Variants in RBFOX1 observed in about 807,000 individuals in gnomAD.
RBFOX1 encodes the protein RNA binding fox-1 homolog 1.
In RBFOX1, 8 loss-of-function variants were observed where a neutral mutation model predicts 57.7. The ratio of observed to expected loss-of-function variants is 0.14; its 90% CI spans 0.08 to 0.25. RBFOX1 has a LOEUF of 0.25. Ranked by LOEUF, RBFOX1 falls within the 10% of genes least tolerant of loss-of-function variation. The pLI is 1.00. For missense variants in RBFOX1, 611 were observed against 548.5 expected (o/e 1.11, Z -1.14); for synonymous variants, 326 against 222.4 (o/e 1.47, Z -4.15).
chr16:5,371,174 C>T (rs1458402116), intron 1 of RBFOX1, among the ~76,000 whole-genome samples: 1 of 152,180 alleles, frequency 6.6e-6, no homozygotes, highest in Non-Finnish European at 1.5e-5. Context: ...TCTCAAACTC[C>T]TGACCTCAGG....
chr16:7,071,602 TG>T (rs2057354606), intron 4 of RBFOX1, among the ~76,000 whole-genome samples: 1 of 151,502 alleles, frequency 6.6e-6, no homozygotes, highest in Non-Finnish European at 1.5e-5. Context: ...TGTGTGTGTG[TG>T]TGTGTGTGTG....
chr16:6,767,243 T>C (rs999143217), intron 3 of RBFOX1, among the ~76,000 whole-genome samples: 2 of 152,028 alleles, frequency 1.3e-5, no homozygotes, highest in East Asian at 3.9e-4. Flanking sequence ...GACTGGCTCC[T>C]AGATGACCAA....
intron 1 of RBFOX1, among the ~76,000 whole-genome samples, chr16:5,301,457 A>G (rs895596876): frequency 6.6e-6 from 1 of 151,986 alleles, no homozygotes; most frequent in Non-Finnish European, 1.5e-5. Context: ...ATCTCTACTA[A>G]AAACACAAAA....
intron 3 of RBFOX1, among the ~76,000 whole-genome samples, chr16:6,938,875 T>C (rs1409811230): frequency 6.6e-6 from 1 of 152,118 alleles, no homozygotes; most frequent in Non-Finnish European, 1.5e-5. Context: ...GAGGTAGCAG[T>C]GAGCCGAGAT....
intron 2 of RBFOX1, among the ~76,000 whole-genome samples, chr16:6,493,963 C>G (rs1452155009): frequency 2.0e-5 from 3 of 152,130 alleles, no homozygotes; most frequent in African/African-American, 7.2e-5. Context: ...GTGATATTTT[C>G]CTGTATACCA....
chr16:5,615,897 G>A (rs1168782310), intron 3 of RBFOX1, among the ~76,000 whole-genome samples: 1 of 152,206 alleles, frequency 6.6e-6, no homozygotes, highest in Admixed American at 6.5e-5. Context: ...CCGCTGTTCA[G>A]TGCTTAAAAC....
intron 4 of RBFOX1, among the ~76,000 whole-genome samples, chr16:7,450,131 C>T (rs979003109): frequency 9.9e-5 from 15 of 152,074 alleles, no homozygotes; most frequent in African/African-American, 3.1e-4. Flanking sequence ...TGCGGTGGCT[C>T]ATGCCTGTAA....
intron 4 of RBFOX1, among the ~76,000 whole-genome samples, chr16:7,244,835 C>G (rs1340803821): frequency 6.6e-6 from 1 of 152,176 alleles, no homozygotes; most frequent in Non-Finnish European, 1.5e-5. Context: ...CTTGTTCCCA[C>G]TTCTGCTCAT....
At chr16:5,903,854 T>C (rs2058372863) in intron 4 of RBFOX1, among the ~76,000 whole-genome samples, 3 of 152,134 alleles carry the variant, frequency 2.0e-5, no homozygotes, top group African/African-American at 4.8e-5. Context: ...GGAAAGCAGA[T>C]GCGGGGGCCT....
At chr16:5,779,546 T>A (rs2054260294) in intron 3 of RBFOX1, among the ~76,000 whole-genome samples, 1 of 152,204 alleles carries the variant, frequency 6.6e-6, no homozygotes, top group Non-Finnish European at 1.5e-5. Flanking sequence ...CGTCCATGTA[T>A]CCAAGTATCC....
intron 3 of RBFOX1, 77 bp from the exon 4 acceptor site, chr16:7,051,980 G>A: frequency 1.9e-6 from 3 of 1,559,830 alleles, no homozygotes; most frequent in Non-Finnish European, 1.7e-6. Context: ...GTAATTAAAA[G>A]TAACTTTCTG....
intron 3 of RBFOX1, among the ~76,000 whole-genome samples, chr16:5,839,479 A>G (rs992357169): frequency 6.6e-6 from 1 of 152,174 alleles, no homozygotes; most frequent in Non-Finnish European, 1.5e-5. Context: ...ATTTCCCATA[A>G]GCCCTTCCAG....
At chr16:5,448,008 T>C (rs1043851327) in intron 1 of RBFOX1, among the ~76,000 whole-genome samples, 15 of 152,168 alleles carry the variant, frequency 9.9e-5, no homozygotes, top group Non-Finnish European at 1.9e-4. Flanking sequence ...TCCTGTTTAA[T>C]TAATTGAATC....
At chr16:7,378,617 T>A (rs2097728876) in intron 4 of RBFOX1, among the ~76,000 whole-genome samples, 1 of 152,232 alleles carries the variant, frequency 6.6e-6, no homozygotes, top group African/African-American at 2.4e-5. Context: ...ACATTGTTTT[T>A]CTTCCTTTTT....
chr16:6,997,973 C>T (rs527395837), intron 3 of RBFOX1, among the ~76,000 whole-genome samples: 48 of 151,528 alleles, frequency 3.2e-4, no homozygotes, highest in African/African-American at 1.1e-3. Flanking sequence ...ATTTAAACAG[C>T]TTGGCAGTCC....
At chr16:6,371,944 A>G (rs2090485238) in intron 2 of RBFOX1, among the ~76,000 whole-genome samples, 2 of 152,190 alleles carry the variant, frequency 1.3e-5, no homozygotes, top group Admixed American at 6.5e-5. Context: ...GAGAGACTTC[A>G]TATTTTTTGT....
At chr16:7,383,994 C>T (rs1029121278) in intron 4 of RBFOX1, among the ~76,000 whole-genome samples, 1 of 149,752 alleles carries the variant, frequency 6.7e-6, no homozygotes, top group African/African-American at 2.5e-5. Context: ...GTGGAGGTTG[C>T]AGTGAGCAGA....
In RBFOX1 at chr16:6,614,143, A is replaced by C. The variant is rs181640460; in HGVS notation, c.-63-40460A>C. Among the ~76,000 whole-genome samples, 529 of 152,296 alleles carry C rather than the reference A, an allele frequency of 3.5e-3. 6 individuals carry two copies. The highest frequency in any genetic ancestry group is 0.012 in the African/African-American group (485 of 41,556). ...ATTCCCAAAAAATATTGAATTTCCC[A>C]TGTAAGATAATATTTTCTACAGATC... On this transcript the variant is annotated intron_variant, in intron 2 of 15. Transcript: ENST00000550418.
chr16:6,479,259 G>T (rs917007024), intron 2 of RBFOX1, among the ~76,000 whole-genome samples: 2 of 152,186 alleles, frequency 1.3e-5, no homozygotes, highest in African/African-American at 4.8e-5. Context: ...AATTATGGCG[G>T]AAGAGGAAGT....
Sources: gnomAD v4.1 joint callset for allele counts (sites outside exome capture counted in the v4.1 genomes callset) on GRCh38, gnomAD v4.1.1 for gene constraint, MANE v1.5 for transcripts, NCBI Gene and HGNC (gene_info 2026-07-23, HGNC 2026-07-21) for gene names.